The following RRN3 variants were observed in gnomAD, a reference collection of about 807,000 sequenced individuals.
The protein encoded by RRN3 is RNA polymerase I-specific transcription initiation factor RRN3.
A neutral mutation model predicts 82.3 loss-of-function variants in RRN3; 38 were observed. The ratio of observed to expected loss-of-function variants is 0.46; its 90% CI spans 0.36 to 0.61. The LOEUF is 0.61. RRN3 is among the 20% of genes least tolerant of loss of function. RRN3 has a pLI of 0.00. For synonymous variants in RRN3, 284 were observed against 284.3 expected (o/e 1.00, Z 0.01); for missense variants, 726 against 793.1 (o/e 0.92, Z 1.02).
At chr16:15,079,176 G>A (rs2045594616) in intron 9 of RRN3, among the ~76,000 whole-genome samples, 1 of 143,216 alleles carries the variant, frequency 7.0e-6, no homozygotes, top group South Asian at 2.3e-4. Flanking sequence ...GAGCAAAGTT[G>A]AAGGATTCCT....
chr16:15,079,949 C>G (rs1434406372), intron 9 of RRN3, 49 bp downstream of exon 9: 4 of 1,518,246 alleles, frequency 2.6e-6, no homozygotes, highest in Non-Finnish European at 3.6e-6. Flanking sequence ...GTGATTATAA[C>G]AAATTCAAGT....
chr16:15,069,498 T>C (rs1163438919), intron 14 of RRN3, among the ~76,000 whole-genome samples: 1 of 152,226 alleles, frequency 6.6e-6, no homozygotes, highest in Non-Finnish European at 1.5e-5. Context: ...CAGATTTGAA[T>C]TATAAGTAAC....
chr16:15,084,129 C>G (rs927616111), intron 7 of RRN3, among the ~76,000 whole-genome samples: 2 of 152,186 alleles, frequency 1.3e-5, no homozygotes, highest in African/African-American at 2.4e-5. Flanking sequence ...TTCTCTCCCA[C>G]AGAAACATAA....
chr16:15,066,957 C>T (rs1033749547), intron 15 of RRN3, among the ~76,000 whole-genome samples: 7 of 152,064 alleles, frequency 4.6e-5, no homozygotes, highest in Admixed American at 2.6e-4. Flanking sequence ...ATGCAGTCCT[C>T]TGTCCCCACC....
intron 16 of RRN3, among the ~76,000 whole-genome samples, chr16:15,064,577 AC>A (rs1470809758): frequency 6.6e-6 from 1 of 152,042 alleles, no homozygotes; most frequent in Non-Finnish European, 1.5e-5. Context: ...AAAAGACAGC[AC>A]CCTCCCCTAT....
At chr16:15,064,429 C>A (rs565729111) in intron 16 of RRN3, among the ~76,000 whole-genome samples, 14 of 152,294 alleles carry the variant, frequency 9.2e-5, no homozygotes, top group African/African-American at 3.4e-4. Context: ...CCCGCCTCAG[C>A]CTCCCAAAGT....
chr16:15,080,033 G>A lies in RRN3; in HGVS notation c.730C>T (p.Leu244=). The change falls in exon 9 of 18, where the codon CTG becomes TTG. Residue 244 remains leucine, a synonymous_variant. Coordinates refer to ENST00000198767, the MANE Select transcript of RRN3 (RefSeq NM_018427.5). ...AGTAGTTTTTCAATAATAAGCTCCA[G>A]AATTTCATGCCTCAAGGTTGGAAAA... ...VYFPTLRHEI[L]ELIIEKLLKL... is the part of the protein sequence containing the mutation. 1.2e-6 allele frequency: 2 copies of A among 1,600,570 alleles called. No homozygotes were observed. The highest frequency in any genetic ancestry group is 2.7e-5 in the African/African-American group (2 of 74,620).
intron 15 of RRN3, among the ~76,000 whole-genome samples, chr16:15,065,802 T>C (rs182310563): frequency 2.6e-5 from 4 of 152,110 alleles, no homozygotes; most frequent in East Asian, 1.9e-4. Context: ...CAGGAGGAAA[T>C]AGTGGTTGGT....
chr16:15,086,321 G>A, intron 4 of RRN3, 44 bp downstream of exon 4: 1 of 1,609,834 alleles, frequency 6.2e-7, no homozygotes, highest in African/African-American at 1.3e-5. Flanking sequence ...TATTACCAAA[G>A]TTCTGAATTA....
At chr16:15,072,923 G>T in intron 12 of RRN3, 27 bp downstream of exon 12, 1 of 1,610,540 alleles carries the variant, frequency 6.2e-7, no homozygotes, top group Non-Finnish European at 8.5e-7. Context: ...AGTAAGCTAA[G>T]ATAATGTTAA....
intron 5 of RRN3, 58 bp from the exon 6 acceptor site, chr16:15,085,756 A>G (rs113025117): frequency 0.011 from 17,607 of 1,605,444 alleles, 126 homozygotes; most frequent in Middle Eastern, 0.035. Context: ...ATGAATGGCT[A>G]TACAAAAAAA....
intron 12 of RRN3, among the ~76,000 whole-genome samples, chr16:15,072,688 C>G (rs1000454839): frequency 1.3e-5 from 2 of 151,874 alleles, no homozygotes; most frequent in Non-Finnish European, 2.9e-5. Flanking sequence ...TCCCAGCTAT[C>G]GAGAGGGTAA....
intron 6 of RRN3, 67 bp downstream of exon 6, chr16:15,085,572 C>A: frequency 1.3e-6 from 2 of 1,585,158 alleles, no homozygotes; most frequent in African/African-American, 1.3e-5. Flanking sequence ...CCCGTCTTGG[C>A]TTCCCAAAGT....
rs1327060628 is a variant in RRN3 at position 15,063,244 on chromosome 16, T to C, written c.1746A>G (p.Glu582=). ...CCTGTAGCTCTTCAGCACTCATGTCTTCCCACACCTGATAAATAGGATCAA... is the reference window on the plus strand; with the variant it reads ...CCTGTAGCTCTTCAGCACTCATGTCCTCCCACACCTGATAAATAGGATCAA... ...KFIDPIYQVW[E]DMSAEELQEF... Residue 582 remains glutamate (E), a synonymous_variant, in exon 17 of 18, where the codon GAA becomes GAG. Transcript: ENST00000198767. The C allele has an allele frequency of 4.3e-6, 7 of 1,613,546 alleles. No homozygotes were observed. The highest frequency in any genetic ancestry group is 5.9e-6 in the Non-Finnish European group (7 of 1,179,588).
intron 14 of RRN3, among the ~76,000 whole-genome samples, chr16:15,069,671 G>C (rs2045139704): frequency 6.6e-6 from 1 of 152,168 alleles, no homozygotes; most frequent in Non-Finnish European, 1.5e-5. Flanking sequence ...CTGTGCTTTA[G>C]TGCTGTCTGT....
chr16:15,065,097 C>T (rs1246015830), intron 16 of RRN3, 122 bp downstream of exon 16: 18 of 962,948 alleles, frequency 1.9e-5, no homozygotes, highest in South Asian at 7.0e-5. Context: ...ACCCGGGAGG[C>T]GGAGCTTGCG....
chr16:15,075,337 C>A (rs2045408416), intron 10 of RRN3, among the ~76,000 whole-genome samples: 1 of 151,798 alleles, frequency 6.6e-6, no homozygotes, highest in Non-Finnish European at 1.5e-5. Context: ...CTTTGGGAGG[C>A]CAAGGCAGGA....
intron 17 of RRN3, among the ~76,000 whole-genome samples, chr16:15,062,512 G>A (rs145212985): frequency 0.019 from 2,868 of 152,294 alleles, 37 homozygotes; most frequent in Middle Eastern, 0.031. Flanking sequence ...CTTTATTACT[G>A]GATTCTAACT....
intron 17 of RRN3, among the ~76,000 whole-genome samples, chr16:15,062,472 T>G (rs1205458743): frequency 1.3e-5 from 2 of 152,172 alleles, no homozygotes; most frequent in African/African-American, 4.8e-5. Context: ...AGAAAACAAA[T>G]GTGCTCCCAA....
Sources: gnomAD v4.1 joint callset for allele counts (sites outside exome capture counted in the v4.1 genomes callset) on GRCh38, gnomAD v4.1.1 for gene constraint, MANE v1.5 for transcripts, NCBI Gene and HGNC (gene_info 2026-07-23, HGNC 2026-07-21) for gene names.